MAML2: variants seen among roughly 807,000 people sequenced by gnomAD.
MAML2 encodes mastermind like transcriptional coactivator 2, also known as mastermind-like protein 2.
Under a neutral mutation model 96.1 loss-of-function variants are expected in MAML2, and 22 were observed. The observed-to-expected ratio is 0.23, with a 90% CI of 0.16 to 0.33. The LOEUF is 0.33. MAML2 is among the 10% of genes least tolerant of loss of function. The probability of loss-of-function intolerance (pLI) is 1.00; values close to 1 mark genes in which losing one functional copy is unlikely to be tolerated. For missense variants in MAML2, 1,367 were observed against 1,392.4 expected, an observed-to-expected ratio of 0.98 and a Z score of 0.29; for synonymous variants, 561 against 521.3, an observed-to-expected ratio of 1.08 and a Z score of -1.04.
intron 1 of MAML2, among the ~76,000 whole-genome samples, chr11:96,336,603 C>A (rs76794517): frequency 1.2e-3 from 179 of 152,282 alleles, no homozygotes; most frequent in Non-Finnish European, 1.4e-3. Context: ...GATTAAAGAA[C>A]AAGAAAGCAG....
chr11:96,153,419 C>G (rs766297508), intron 1 of MAML2, among the ~76,000 whole-genome samples: 2 of 152,080 alleles, frequency 1.3e-5, no homozygotes, highest in Non-Finnish European at 2.9e-5. Context: ...TAACATTCTG[C>G]CTATTGAATC....
chr11:96,043,838 C>A (rs1311525357), intron 2 of MAML2, among the ~76,000 whole-genome samples: 3 of 152,176 alleles, frequency 2.0e-5, no homozygotes, highest in African/African-American at 4.8e-5. Flanking sequence ...CAGTAACTAT[C>A]CTACTAAGAA....
chr11:96,008,039 ATT>A (rs34272183), intron 2 of MAML2, among the ~76,000 whole-genome samples: 2 of 86,442 alleles, frequency 2.3e-5, no homozygotes, highest in Non-Finnish European at 5.2e-5. Context: ...AAAAAAAAAA[ATT>A]TTTCAGTGAA....
intron 2 of MAML2, among the ~76,000 whole-genome samples, chr11:96,043,261 C>A (rs1331648510): frequency 6.6e-6 from 1 of 152,200 alleles, no homozygotes; most frequent in Non-Finnish European, 1.5e-5. Context: ...TTCTAACTAG[C>A]AAAATTTGCT....
At chr11:96,318,836 T>G (rs550173298) in intron 1 of MAML2, among the ~76,000 whole-genome samples, 1 of 152,222 alleles carries the variant, frequency 6.6e-6, no homozygotes, top group Non-Finnish European at 1.5e-5. Flanking sequence ...TGGTATAACC[T>G]TCCTTAATTA....
rs560207964 is a variant in MAML2 at position 96,119,161 on chromosome 11, C to T, written c.514-25644G>A. Among the ~76,000 whole-genome samples the T allele has an allele frequency of 1.4e-4, 21 of 152,262 alleles. No homozygotes were observed. In the South Asian group the frequency reaches 4.0e-3, roughly 29 times the overall value. On this transcript the variant is annotated intron_variant, in intron 1 of 4. Transcript: ENST00000524717. Reference sequence around the variant, plus strand: ...ATGGTAGGCAGGATAATATCCCCTCCAAAGACATTCATGCCTTAATCCCTG... The same window carrying T: ...ATGGTAGGCAGGATAATATCCCCTCTAAAGACATTCATGCCTTAATCCCTG...
At chr11:96,210,310 T>G (rs1861951595) in intron 1 of MAML2, among the ~76,000 whole-genome samples, 1 of 152,154 alleles carries the variant, frequency 6.6e-6, no homozygotes, top group South Asian at 2.1e-4. Context: ...GGTTTCACCA[T>G]GTTGGCCAGG....
At chr11:96,179,471 C>T (rs1022410251) in intron 1 of MAML2, among the ~76,000 whole-genome samples, 3 of 152,178 alleles carry the variant, frequency 2.0e-5, no homozygotes, top group Non-Finnish European at 2.9e-5. Flanking sequence ...TTTCTTCCCT[C>T]TCAAACCTAC....
chr11:96,335,742 G>A (rs983043973), intron 1 of MAML2, among the ~76,000 whole-genome samples: 1 of 152,144 alleles, frequency 6.6e-6, no homozygotes, highest in Non-Finnish European at 1.5e-5. Context: ...ATTTTCCAGG[G>A]CTTCTGATTT....
chr11:96,147,870 G>T (rs1860844712), intron 1 of MAML2, among the ~76,000 whole-genome samples: 2 of 152,186 alleles, frequency 1.3e-5, no homozygotes, highest in African/African-American at 4.8e-5. Flanking sequence ...TTAAAAGGGG[G>T]ATTGTTTTTG....
At chr11:96,049,793 T>C (rs1025700057) in intron 2 of MAML2, among the ~76,000 whole-genome samples, 20 of 152,238 alleles carry the variant, frequency 1.3e-4, no homozygotes, top group Admixed American at 2.0e-4. Context: ...TTTTACTAAT[T>C]CAAGTGTGTG....
At chr11:96,065,146 A>C (rs12284725) in intron 2 of MAML2, among the ~76,000 whole-genome samples, 62,985 of 152,082 alleles carry the variant, frequency 0.41, 14,292 homozygotes, top group Non-Finnish European at 0.53. Context: ...TGTTCTGAAT[A>C]TATCTGATAG....
chr11:96,024,734 C>T (rs1590967482), intron 2 of MAML2, among the ~76,000 whole-genome samples: 3 of 152,146 alleles, frequency 2.0e-5, no homozygotes, highest in African/African-American at 7.2e-5. Context: ...CAGAACTTCT[C>T]GGAACGGTTC....
chr11:96,061,143 T>C (rs748865076), intron 2 of MAML2, among the ~76,000 whole-genome samples: 11 of 152,266 alleles, frequency 7.2e-5, no homozygotes, highest in Non-Finnish European at 1.5e-4. Flanking sequence ...TGATTTCTCC[T>C]TAAGGAACTT....
chr11:96,139,624 T>C (rs1223655324), intron 1 of MAML2, among the ~76,000 whole-genome samples: 1 of 152,116 alleles, frequency 6.6e-6, no homozygotes, highest in Non-Finnish European at 1.5e-5. Flanking sequence ...CAATAATTTT[T>C]TGATCCCTAG....
intron 1 of MAML2, among the ~76,000 whole-genome samples, chr11:96,182,961 T>TC (rs1390420856): frequency 1.6e-4 from 23 of 143,790 alleles, no homozygotes; most frequent in African/African-American, 5.8e-4. Context: ...TCTTTTCTTT[T>TC]TTTTTTTTTT....
rs761042438 is a variant in MAML2, at chr11:96,092,267, T to C, written c.1764A>G (p.Gln588=). The C allele has an allele frequency of 1.9e-6, 3 of 1,554,532 alleles. No homozygotes were observed. Among genetic ancestry groups the C allele is most frequent in the Non-Finnish European group, 2.6e-6 (3 of 1,149,364 alleles). Residue 588 remains glutamine, a synonymous_variant, in exon 2 of 5, where the codon CAA becomes CAG. Coordinates refer to ENST00000524717, the MANE Select transcript of MAML2 (RefSeq NM_032427.4). This position sits in a 1 kb window ranked among gnomAD's most constrained non-coding sequence, Gnocchi z 4.1. ...QNKPSLLHYT[Q]QQQQQQQQQQ... ...GCTGCTGCTGTTGCTGCTGTTGCTG[T>C]TGGGTGTAGTGTAGGAGAGAAGGCT...
At chr11:96,210,865 C>T (rs1383887359) in intron 1 of MAML2, among the ~76,000 whole-genome samples, 1 of 152,160 alleles carries the variant, frequency 6.6e-6, no homozygotes, top group African/African-American at 2.4e-5. Flanking sequence ...CTATTTTACT[C>T]TATAGCATAT....
intron 1 of MAML2, among the ~76,000 whole-genome samples, chr11:96,155,449 C>A (rs983765923): frequency 7.0e-6 from 1 of 143,364 alleles, no homozygotes; most frequent in Admixed American, 7.3e-5. Context: ...TTGTACATTT[C>A]TCTGAGCCCT....
Sources: allele counts gnomAD v4.1 joint callset (sites outside exome capture counted in the v4.1 genomes callset), GRCh38; gene constraint gnomAD v4.1.1; non-coding constraint Gnocchi (gnomAD v3.1); transcripts MANE v1.5; gene names NCBI Gene and HGNC (gene_info 2026-07-23, HGNC 2026-07-21).